ZFHX3: variants seen among roughly 807,000 people sequenced by gnomAD.
ZFHX3 encodes zinc finger homeobox protein 3.
ZFHX3 carries 42 observed loss-of-function variants against 279.1 expected under a neutral mutation model. That is an observed-to-expected ratio of 0.15 (90% CI 0.12 to 0.19). The LOEUF (loss-of-function observed/expected upper bound fraction) is 0.19. ZFHX3 is among the 10% of genes least tolerant of loss of function. The pLI is 1.00. For synonymous variants in ZFHX3, 2,293 were observed against 1,957.8 expected (o/e 1.17, Z -4.52); for missense variants, 4,981 against 4,754.0 (o/e 1.05, Z -1.40).
At chr16:72,839,238 C>T (rs1293129883) in intron 4 of ZFHX3, among the ~76,000 whole-genome samples, 2 of 151,602 alleles carry the variant, frequency 1.3e-5, no homozygotes, top group African/African-American at 4.8e-5. Context: ...AAAAATTACA[C>T]TTCAATGTCA....
intron 1 of ZFHX3, among the ~76,000 whole-genome samples, chr16:73,839,605 G>A (rs1204834430): frequency 1.3e-5 from 2 of 152,166 alleles, no homozygotes; most frequent in African/African-American, 4.8e-5. Flanking sequence ...GGGATTTTAA[G>A]TGTCCATCTT....
Position 72,895,180 on chromosome 16 carries a change from T to A in ZFHX3, c.3217-5218A>T, listed in dbSNP as rs185816965. ...ACACACTATGCCCAACCCCAGGGAC[T>A]TAACCTGCAGGTGATGCAGGCAGTG... On this transcript the variant is annotated intron_variant, in intron 3 of 9. Transcript: ENST00000268489. 1.3e-3 allele frequency among the ~76,000 whole-genome samples: 193 copies of A among 152,322 alleles called. 1 individual carries two copies. The highest frequency in any genetic ancestry group is 3.4e-3 in the Middle Eastern group (1 of 294).
At chr16:72,918,850 C>G (rs529973993) in intron 3 of ZFHX3, among the ~76,000 whole-genome samples, 9 of 152,152 alleles carry the variant, frequency 5.9e-5, no homozygotes, top group Non-Finnish European at 1.0e-4. Flanking sequence ...CACCCGCCAC[C>G]ATGCCCAGCT....
intron 1 of ZFHX3, among the ~76,000 whole-genome samples, chr16:72,960,625 G>A (rs566264936): frequency 1.1e-4 from 17 of 152,172 alleles, no homozygotes; most frequent in Non-Finnish European, 2.4e-4. Context: ...CCCCGACTCC[G>A]CGCACTGTCT....
At chr16:73,806,585 A>G (rs1960281566) in intron 1 of ZFHX3, among the ~76,000 whole-genome samples, 1 of 152,150 alleles carries the variant, frequency 6.6e-6, no homozygotes, top group Admixed American at 6.5e-5. Flanking sequence ...TTGTCAGCCA[A>G]TAACACTGGT....
intron 2 of ZFHX3, among the ~76,000 whole-genome samples, chr16:73,529,129 G>A (rs1368117292): frequency 6.6e-6 from 1 of 152,154 alleles, no homozygotes; most frequent in Non-Finnish European, 1.5e-5. Flanking sequence ...TTTGAAAATA[G>A]AGTGAAATAC....
intron 1 of ZFHX3, among the ~76,000 whole-genome samples, chr16:72,968,940 A>T (rs1409708828): frequency 6.6e-6 from 1 of 152,206 alleles, no homozygotes; most frequent in Non-Finnish European, 1.5e-5. Context: ...ACATACATAC[A>T]CATACACATA....
intron 2 of ZFHX3, among the ~76,000 whole-genome samples, chr16:73,571,838 G>A (rs2051740293): frequency 6.6e-6 from 1 of 152,024 alleles, no homozygotes; most frequent in South Asian, 2.1e-4. Context: ...GTGTAGAAGG[G>A]CATTCCAATA....
chr16:73,855,216 CTT>C (rs1032892286), intron 1 of ZFHX3, among the ~76,000 whole-genome samples: 1,302 of 111,422 alleles, frequency 0.012, 5 homozygotes, highest in African/African-American at 0.043. Flanking sequence ...AGGCGTTAGC[CTT>C]TTTTTTTTTT....
At chr16:73,313,200 C>T (rs185766925) in intron 4 of ZFHX3, among the ~76,000 whole-genome samples, 1 of 152,322 alleles carries the variant, frequency 6.6e-6, no homozygotes, top group African/African-American at 2.4e-5. Context: ...TTCCCTTCAC[C>T]TTCCACCATG....
exon 8 of ZFHX3, chr16:73,093,412 C>T: frequency 6.5e-6 from 3 of 461,900 alleles, no homozygotes; most frequent in East Asian, 1.3e-4. Flanking sequence ...CACAGCTGAT[C>T]ACTTTGGTCC....
rs1269293634 is a variant in ZFHX3 at position 72,796,001 on chromosome 16, C to A, written c.6681G>T (p.Arg2227=). 6.2e-7 allele frequency: 1 copy of A among 1,614,000 alleles called. No homozygotes were observed. Among genetic ancestry groups the A allele is most frequent in the African/African-American group, 1.3e-5 (1 of 74,898 alleles). ...TSLEELKIDS[R]PPSPEPPKQE... The stretch of plus-strand genomic sequence containing the variant: ...GCTTTGGAGGTTCCGGCGAAGGGGG[C>A]CGGGAGTCAATCTTGAGCTCCTCCA... Residue 2227 remains arginine (R), a synonymous_variant, in exon 9 of 10, where the codon CGG becomes CGT. Transcript: ENST00000268489.
At chr16:73,552,893 C>G (rs1008264386) in intron 2 of ZFHX3, among the ~76,000 whole-genome samples, 2 of 152,182 alleles carry the variant, frequency 1.3e-5, no homozygotes, top group African/African-American at 4.8e-5. Flanking sequence ...CTGAAGGCAG[C>G]TAATTCTGAA....
At chr16:73,463,292 T>C (rs1175611729) in intron 2 of ZFHX3, among the ~76,000 whole-genome samples, 1 of 152,180 alleles carries the variant, frequency 6.6e-6, no homozygotes, top group African/African-American at 2.4e-5. Flanking sequence ...CCCTCAACTT[T>C]ACAGAAAAGA....
chr16:73,455,563 A>C (rs2018357484), intron 3 of ZFHX3, among the ~76,000 whole-genome samples: 1 of 152,200 alleles, frequency 6.6e-6, no homozygotes, highest in Non-Finnish European at 1.5e-5. Flanking sequence ...CAATGAAGTC[A>C]TTTCATTCCC....
intron 2 of ZFHX3, among the ~76,000 whole-genome samples, chr16:73,589,134 C>T (rs1304669945): frequency 6.6e-6 from 1 of 151,364 alleles, no homozygotes; most frequent in Admixed American, 6.6e-5. Context: ...GTGATGCACG[C>T]CTGTAATCCC....
chr16:73,142,398 G>A (rs1181770294), intron 6 of ZFHX3, among the ~76,000 whole-genome samples: 3 of 152,184 alleles, frequency 2.0e-5, no homozygotes, highest in South Asian at 2.1e-4. Flanking sequence ...GCCAATACCC[G>A]CCGTAGAGAA....
chr16:73,309,974 T>C (rs902591197), intron 4 of ZFHX3, among the ~76,000 whole-genome samples: 1 of 134,748 alleles, frequency 7.4e-6, no homozygotes, highest in Non-Finnish European at 1.5e-5. Flanking sequence ...AATGGAGCAA[T>C]CTCCGCTCAC....
intron 1 of ZFHX3, among the ~76,000 whole-genome samples, chr16:72,977,641 C>G (rs1311156227): frequency 1.3e-5 from 2 of 151,784 alleles, no homozygotes; most frequent in Non-Finnish European, 2.9e-5. Flanking sequence ...GCTGGGATCT[C>G]TACGATTCAC....
Sources: allele counts gnomAD v4.1 joint callset (sites outside exome capture counted in the v4.1 genomes callset), GRCh38; gene constraint gnomAD v4.1.1; transcripts MANE v1.5; gene names NCBI Gene and HGNC (gene_info 2026-07-23, HGNC 2026-07-21).